Variants in SNAI1 observed in about 807,000 individuals in gnomAD.
The protein encoded by SNAI1 is snail family transcriptional repressor 1, also known as zinc finger protein SNAI1.
In SNAI1, 15 loss-of-function variants were observed where a neutral mutation model predicts 24.7. The ratio of observed to expected loss-of-function variants is 0.61; its 90% CI spans 0.41 to 0.93. The LOEUF (loss-of-function observed/expected upper bound fraction) is 0.93. SNAI1 is among the 40% of genes least tolerant of loss of function. SNAI1 has a pLI of 0.00. For missense variants in SNAI1, 283 were observed against 336.7 expected (o/e 0.84, Z 1.25); for synonymous variants, 163 against 142.9 (o/e 1.14, Z -1.00).
chr20:49,988,354 T>A lies in SNAI1; in HGVS notation c.*298T>A. On this transcript the variant is annotated 3_prime_UTR_variant, in exon 3 of 3. Transcript: ENST00000244050. ...GCGTGGGTTTTTGTATCCAGAGCTGTTTGGATACAGCTGCTTTGAGCTACA... is the reference window on the plus strand; with the variant it reads ...GCGTGGGTTTTTGTATCCAGAGCTGATTGGATACAGCTGCTTTGAGCTACA... 3.0e-6 allele frequency: 1 copy of A among 332,320 alleles called. No individual in the cohort carries two copies. 20.6% of individuals were successfully genotyped at this position (332,320 alleles called of 1,614,324 possible). A position where few individuals can be genotyped will look rare whatever the true frequency, so the allele number is the denominator to read the frequency against.
Position 49,987,873 on chromosome 20 carries a change from C to A in SNAI1, c.612C>A (p.Gly204=). 4.3e-6 allele frequency: 7 copies of A among 1,613,818 alleles called. No individual in the cohort carries two copies. Among genetic ancestry groups the A allele is most frequent in the Non-Finnish European group, 5.9e-6 (7 of 1,179,876 alleles). The change falls in exon 3 of 3, where the codon GGC becomes GGA. Residue 204 remains glycine, a splice_region_variant and synonymous_variant. Transcript: ENST00000244050. ...GCCTTTCTGGCGTTCTCTCCCCAGG[C>A]GAGAAGCCCTTCTCCTGTCCCCACT... ...LLQGHVRTHT[G]EKPFSCPHCS...
chr20:49,988,025 A>G lies in SNAI1; in HGVS notation c.764A>G (p.Gln255Arg), dbSNP rs779357818. Residue 255 changes from glutamine to arginine, a missense_variant, in exon 3 of 3, where the codon CAA becomes CGA. Physicochemically the swap from Gln to Arg is conservative, Grantham distance 43. Coordinates refer to ENST00000244050, the MANE Select transcript of SNAI1 (RefSeq NM_005985.4). ...CGAATGTCCCTGCTCCACAAGCACC[A>G]AGAGTCCGGCTGCTCAGGATGTCCC... Reference protein sequence around the residue: ...FSRMSLLHKHQESGCSGCPR With the variant: ...FSRMSLLHKHRESGCSGCPR 8 of 1,610,746 alleles carry G rather than the reference A, an allele frequency of 5.0e-6. No individual in the cohort carries two copies. The highest frequency in any genetic ancestry group is 1.3e-5 in the African/African-American group (1 of 74,842).
chr20:49,983,008 G>A lies in SNAI1; in HGVS notation c.-52G>A, dbSNP rs1396154505. 4.3e-6 allele frequency: 6 copies of A among 1,403,038 alleles called. No homozygotes were observed. The highest frequency in any genetic ancestry group is 1.0e-6 in the Non-Finnish European group (1 of 999,930). The allele number at this position is 1,403,038 out of a possible 1,614,324, so 86.9% of individuals were successfully genotyped here. ...GCGCCGCGGCACGGCCTAGCGAGTGGTTCTTCTGCGCTACTGCTGCGCGAA... is the reference window on the plus strand; with the variant it reads ...GCGCCGCGGCACGGCCTAGCGAGTGATTCTTCTGCGCTACTGCTGCGCGAA... On this transcript the variant is annotated 5_prime_UTR_variant, in exon 1 of 3. Coordinates refer to ENST00000244050, the MANE Select transcript of SNAI1 (RefSeq NM_005985.4).
intron 2 of SNAI1, among the ~76,000 whole-genome samples, chr20:49,985,485 C>T (rs890888239): frequency 1.3e-5 from 2 of 152,246 alleles, no homozygotes; most frequent in African/African-American, 4.8e-5. Flanking sequence ...ACTGCCTGGC[C>T]TCCTGGGTGC....
intron 2 of SNAI1, 78 bp from the exon 3 acceptor site, chr20:49,987,794 G>T: frequency 3.0e-6 from 4 of 1,319,180 alleles, no homozygotes; most frequent in Non-Finnish European, 3.3e-6. Context: ...CAGGGTTTGG[G>T]GTATGCGGGG....
chr20:49,984,427 C>A, intron 2 of SNAI1, 76 bp downstream of exon 2: 2 of 1,408,430 alleles, frequency 1.4e-6, no homozygotes, highest in South Asian at 1.4e-5. Flanking sequence ...TGTTCTCATT[C>A]CCAAAGCTGT....
Position 49,984,178 on chromosome 20 carries a change from A to G in SNAI1, c.437A>G (p.Lys146Arg), listed in dbSNP as rs1173230568. 6.2e-7 allele frequency: 1 copy of G among 1,614,244 alleles called. No homozygotes were observed. The highest frequency in any genetic ancestry group is 1.1e-5 in the South Asian group (1 of 91,088). ...CAGCTGGCCCAGCTCTCTGAGGCCA[A>G]GGATCTCCAGGCTCGAAAGGCCTTC... ...PKQLAQLSEA[K>R]DLQARKAFNC... The change falls in exon 2 of 3, where the codon AAG (lysine) becomes AGG (arginine). Residue 146 changes from lysine to arginine, a missense_variant. Coordinates refer to ENST00000244050, the MANE Select transcript of SNAI1 (RefSeq NM_005985.4).
intron 2 of SNAI1, among the ~76,000 whole-genome samples, chr20:49,986,324 G>GC (rs2146880268): frequency 6.6e-6 from 1 of 151,902 alleles, no homozygotes; most frequent in East Asian, 1.9e-4. Flanking sequence ...TTCCATTTCT[G>GC]CCCCATGAGA....
chr20:49,986,016 C>T (rs2078332861), intron 2 of SNAI1, among the ~76,000 whole-genome samples: 1 of 137,164 alleles, frequency 7.3e-6, no homozygotes, highest in Non-Finnish European at 1.5e-5. Context: ...ACACTTTGGG[C>T]ACTTACTGTA....
rs761971001 is a variant in SNAI1 at position 49,983,014 on chromosome 20, C to A, written c.-46C>A. ...CGGCACGGCCTAGCGAGTGGTTCTTCTGCGCTACTGCTGCGCGAATCGGCG... is the reference window on the plus strand; with the variant it reads ...CGGCACGGCCTAGCGAGTGGTTCTTATGCGCTACTGCTGCGCGAATCGGCG... On this transcript the variant is annotated 5_prime_UTR_variant, in exon 1 of 3. In the 5' UTR this introduces an upstream ATG that the reference lacks. Coordinates refer to ENST00000244050, the MANE Select transcript of SNAI1 (RefSeq NM_005985.4). 4.3e-6 allele frequency: 6 copies of A among 1,389,406 alleles called. No homozygotes were observed. The Admixed American group carries it at 7.2e-5, about 17-fold the overall frequency. 86.1% of individuals were successfully genotyped at this position (1,389,406 alleles called of 1,614,324 possible). A position where few individuals can be genotyped will look rare whatever the true frequency, so the allele number is the denominator to read the frequency against.
In SNAI1 at chr20:49,984,243, GC is replaced by G. The variant is rs751978379; in HGVS notation, c.505del (p.Leu169SerfsTer111). On this transcript the variant is annotated frameshift_variant, in exon 2 of 3. Coordinates refer to ENST00000244050, the MANE Select transcript of SNAI1 (RefSeq NM_005985.4). LOFTEE classifies it high-confidence loss of function. ...YCNKEYLSLG[A>X]LKMHIRSHTL... ...CAACAAGGAATACCTCAGCCTGGGT[GC>G]CCTCAAGATGCACATCCGAAGCCAC... 6.2e-7 allele frequency: 1 copy of G among 1,614,222 alleles called. No individual in the cohort carries two copies. Among genetic ancestry groups the G allele is most frequent in the South Asian group, 1.1e-5 (1 of 91,092 alleles).
chr20:49,983,822 A>T lies in SNAI1; in HGVS notation c.83-2A>T, dbSNP rs766198891. ...CGCCTGACTCTGCTTTTTCTCCCTC[A>T]GAGTTTACCTTCCAGCAGCCCTACG... is the stretch of plus-strand genomic sequence containing the variant. On this transcript the variant is annotated splice_acceptor_variant, in intron 1 of 2. Transcript: ENST00000244050. LOFTEE classifies it high-confidence loss of function. 1 of 1,577,522 alleles carries T rather than the reference A, an allele frequency of 6.3e-7. No individual in the cohort carries two copies. Among genetic ancestry groups the T allele is most frequent in the Non-Finnish European group, 8.6e-7 (1 of 1,161,858 alleles).
At chr20:49,985,437 G>A (rs2078330835) in intron 2 of SNAI1, among the ~76,000 whole-genome samples, 1 of 152,052 alleles carries the variant, frequency 6.6e-6, no homozygotes, top group South Asian at 2.1e-4. Context: ...CTCTTCCTTC[G>A]TGCACCAATT....
chr20:49,983,916 C>T lies in SNAI1; in HGVS notation c.175C>T (p.Leu59Phe), dbSNP rs1461873794. 1.9e-6 allele frequency: 3 copies of T among 1,613,370 alleles called. No homozygotes were observed. The highest frequency in any genetic ancestry group is 1.7e-6 in the Non-Finnish European group (2 of 1,179,984). ...ILNPTASLPMLIWDSVLAPQA... is the reference protein window; with the variant it reads ...ILNPTASLPMFIWDSVLAPQA... ...CAACCCCACCGCCTCGCTGCCAATG[C>T]TCATCTGGGACTCTGTCCTGGCGCC... Residue 59 changes from leucine (L) to phenylalanine (F), a missense_variant, in exon 2 of 3, where the codon CTC (leucine) becomes TTC (phenylalanine). Coordinates refer to ENST00000244050, the MANE Select transcript of SNAI1 (RefSeq NM_005985.4).
At chr20:49,987,737 T>C in intron 2 of SNAI1, 135 bp from the exon 3 acceptor site, 1 of 773,328 alleles carries the variant, frequency 1.3e-6, no homozygotes, top group East Asian at 2.7e-5. Flanking sequence ...GGACCCTGGC[T>C]GTGTGTTTGA....
In SNAI1 at chr20:49,983,130, A is replaced by C. The variant is rs760434965; in HGVS notation, c.71A>C (p.Asp24Ala). The change falls in exon 1 of 3, where the codon GAC becomes GCC. Residue 24 changes from aspartate (D) to alanine (A), a missense_variant. Physicochemically the swap from Asp to Ala is moderately radical, Grantham distance 126. Transcript: ENST00000244050. ...AAGCCTAACTACAGCGAGCTGCAGG[A>C]CTCTAATCCAGGTGCGTTGGAGGGG... ...NRKPNYSELQDSNPEFTFQQP... is the reference protein window; with the variant it reads ...NRKPNYSELQASNPEFTFQQP... 1 of 1,612,952 alleles carries C rather than the reference A, an allele frequency of 6.2e-7. No individual in the cohort carries two copies. The highest frequency in any genetic ancestry group is 8.5e-7 in the Non-Finnish European group (1 of 1,179,554).
chr20:49,987,599 C>G (rs1272374591), intron 2 of SNAI1, among the ~76,000 whole-genome samples: 3 of 152,166 alleles, frequency 2.0e-5, no homozygotes, highest in African/African-American at 4.8e-5. Flanking sequence ...TGTCACTTAT[C>G]AACCCCTATG....
At position 49,983,904 on chromosome 20, in the gene SNAI1, T is replaced by C; in HGVS notation, c.163T>C (p.Ser55Pro). Residue 55 changes from serine to proline, a missense_variant, in exon 2 of 3, where the codon TCG (serine) becomes CCG (proline). Transcript: ENST00000244050. The stretch of plus-strand genomic sequence containing the variant: ...TCCGGAGATCCTCAACCCCACCGCC[T>C]CGCTGCCAATGCTCATCTGGGACTC... ...PPPEILNPTA[S>P]LPMLIWDSVL... The C allele has an allele frequency of 6.2e-7, 1 of 1,613,186 alleles. No individual in the cohort carries two copies. The highest frequency in any genetic ancestry group is 8.5e-7 in the Non-Finnish European group (1 of 1,179,928).
intron 2 of SNAI1, among the ~76,000 whole-genome samples, chr20:49,985,579 T>C (rs6020175): frequency 0.28 from 42,478 of 152,104 alleles, 9,839 homozygotes; most frequent in African/African-American, 0.64. Context: ...ACCTCCCATC[T>C]GGACATTATT....
Sources: allele counts gnomAD v4.1 joint callset (sites outside exome capture counted in the v4.1 genomes callset), GRCh38; gene constraint gnomAD v4.1.1; transcripts MANE v1.5; gene names NCBI Gene and HGNC (gene_info 2026-07-23, HGNC 2026-07-21).